PIWIL1: variants seen among roughly 807,000 people sequenced by gnomAD.
PIWIL1 encodes the protein piwi-like protein 1.
A neutral mutation model predicts 114.4 loss-of-function variants in PIWIL1; 73 were observed. The observed-to-expected ratio is 0.64, with a 90% CI of 0.53 to 0.78. PIWIL1 has a LOEUF of 0.78. Ranked by LOEUF, PIWIL1 falls within the 30% of genes least tolerant of loss-of-function variation. The probability of loss-of-function intolerance (pLI) is 0.00; values close to 1 mark genes in which losing one functional copy is unlikely to be tolerated. For missense variants in PIWIL1, 723 were observed against 1,063.1 expected (o/e 0.68, Z 4.45); for synonymous variants, 375 against 369.0 (o/e 1.02, Z -0.19).
intron 7 of PIWIL1, among the ~76,000 whole-genome samples, chr12:130,348,571 C>A: frequency 6.6e-6 from 1 of 152,252 alleles, no homozygotes; most frequent in Non-Finnish European, 1.5e-5. Flanking sequence ...GCCCATGTCA[C>A]AAACCTGCAC....
intron 1 of PIWIL1, among the ~76,000 whole-genome samples, chr12:130,339,131 T>C (rs1394085747): frequency 1.3e-5 from 2 of 151,928 alleles, no homozygotes; most frequent in East Asian, 3.9e-4. Context: ...GAGCCGGACG[T>C]TGGGAAGAGG....
chr12:130,418,957 G>A, the PIWIL1 span, among the ~76,000 whole-genome samples: 13 of 152,220 alleles, frequency 8.5e-5, no homozygotes, highest in African/African-American at 3.1e-4. Flanking sequence ...ACAATGTCAC[G>A]TTGTTTTGGG....
chr12:130,418,525 A>G, the PIWIL1 span, among the ~76,000 whole-genome samples: 1 of 152,164 alleles, frequency 6.6e-6, no homozygotes, highest in Non-Finnish European at 1.5e-5. Flanking sequence ...TGACCATGTC[A>G]GTGTGATCTA....
chr12:130,378,577 C>CTT, the PIWIL1 span, among the ~76,000 whole-genome samples: 8,088 of 151,922 alleles, frequency 0.053, 674 homozygotes, highest in African/African-American at 0.18. Context: ...GCCCTTTTCC[C>CTT]TTTTTCTTTA....
intron 3 of PIWIL1, chr12:130,345,412 C>T (rs11612127): frequency 0.011 from 1,960 of 180,450 alleles, 18 homozygotes; most frequent in Non-Finnish European, 0.017. Context: ...ATCAGACTTA[C>T]AATACAGAAA....
At position 130,342,600 on chromosome 12, in the gene PIWIL1, G is replaced by T. The variant is rs2072952457; in HGVS notation, c.9G>T (p.Gly3=). 1 of 1,613,152 alleles carries T rather than the reference G, an allele frequency of 6.2e-7. No individual in the cohort carries two copies. Among genetic ancestry groups the T allele is most frequent in the Non-Finnish European group, 8.5e-7 (1 of 1,179,186 alleles). Residue 3 remains glycine (G), a synonymous_variant, in exon 2 of 21, where the codon GGG becomes GGT. Transcript: ENST00000245255. ...TCCAGAAATAGAAAACAATGACTGG[G>T]AGAGCCCGAGCCAGAGCCAGAGGAA... MT[G]RARARARGRA...
chr12:130,353,926 C>CAA lies in PIWIL1; in HGVS notation c.1045-597_1045-596dup, dbSNP rs772465904. Among the ~76,000 whole-genome samples the CAA allele has an allele frequency of 1.5e-4, 15 of 99,056 alleles. No homozygotes were observed. In the East Asian group the frequency reaches 3.6e-3, roughly 24 times the overall value. 65.0% of individuals were successfully genotyped at this position (99,056 alleles called of 152,430 possible). A position where few individuals can be genotyped will look rare whatever the true frequency, so the allele number is the denominator to read the frequency against. ...GGGTGACAGAGCGAGACTCCATCTT[C>CAA]AAAAAAAAAAAAAAAGAATGTCATT... On this transcript the variant is annotated intron_variant, in intron 9 of 20. Coordinates refer to ENST00000245255, the MANE Select transcript of PIWIL1 (RefSeq NM_004764.5).
chr12:130,351,896 G>C (rs1238356823), intron 9 of PIWIL1, among the ~76,000 whole-genome samples: 1 of 152,106 alleles, frequency 6.6e-6, no homozygotes, highest in Non-Finnish European at 1.5e-5. Flanking sequence ...CTTCCCCCCA[G>C]AAGTGATGTG....
chr12:130,344,717 T>C (rs1325791909), intron 3 of PIWIL1, among the ~76,000 whole-genome samples: 1 of 152,178 alleles, frequency 6.6e-6, no homozygotes, highest in Non-Finnish European at 1.5e-5. Context: ...ACTTCTGTAT[T>C]TGAGCCCTCC....
In PIWIL1 at chr12:130,354,523, C is replaced by A; in HGVS notation, c.1045-14C>A. The A allele has an allele frequency of 6.2e-7, 1 of 1,614,064 alleles. No individual in the cohort carries two copies. Among genetic ancestry groups the A allele is most frequent in the Non-Finnish European group, 8.5e-7 (1 of 1,179,976 alleles). ...CATTTGCCGTGAACAGCGACCCTTT[C>A]GTCTCTTGAGCAGCAATACAACCAA... On this transcript the variant is annotated splice_polypyrimidine_tract_variant and intron_variant, in intron 9 of 20. Transcript: ENST00000245255.
chr12:130,418,139 A>C, the PIWIL1 span, among the ~76,000 whole-genome samples: 1 of 152,328 alleles, frequency 6.6e-6, no homozygotes, highest in African/African-American at 2.4e-5. Flanking sequence ...AGTCTAACAA[A>C]AGCACTTTGG....
At chr12:130,406,027 A>G in the PIWIL1 span, 1 of 621,594 alleles carries the variant, frequency 1.6e-6, no homozygotes, top group Middle Eastern at 2.6e-4. Flanking sequence ...AAGTTCTATA[A>G]CTCAGCCAAT....
chr12:130,399,230 G>A, the PIWIL1 span: 180 of 894,586 alleles, frequency 2.0e-4, no homozygotes, highest in Admixed American at 1.2e-3. Context: ...AAAACTTGCA[G>A]TGATGAAATA....
intron 1 of PIWIL1, among the ~76,000 whole-genome samples, chr12:130,340,977 T>C (rs2072903999): frequency 6.6e-6 from 1 of 151,898 alleles, no homozygotes; most frequent in African/African-American, 2.4e-5. Context: ...AAGTCGGAGG[T>C]TTTTAAAATT....
Position 130,353,257 on chromosome 12 carries a change from T to C in PIWIL1, c.1045-1280T>C, listed in dbSNP as rs1204178124. 8.3e-5 allele frequency among the ~76,000 whole-genome samples: 12 copies of C among 144,104 alleles called. No homozygotes were observed. The East Asian group carries it at 2.3e-3, about 28-fold the overall frequency. The allele number at this position is 144,104 out of a possible 152,430, so 94.5% of individuals were successfully genotyped here. Reference sequence around the variant, plus strand: ...TGTGTGGTTTTTTGTTCTCCTGGTATGCTCAGTGGAGGTGTGTGTGTGGTT... The same window carrying C: ...TGTGTGGTTTTTTGTTCTCCTGGTACGCTCAGTGGAGGTGTGTGTGTGGTT... On this transcript the variant is annotated intron_variant, in intron 9 of 20. Coordinates refer to ENST00000245255, the MANE Select transcript of PIWIL1 (RefSeq NM_004764.5).
intron 1 of PIWIL1, among the ~76,000 whole-genome samples, chr12:130,341,743 A>C (rs1026929975): frequency 1.3e-5 from 2 of 152,186 alleles, no homozygotes; most frequent in African/African-American, 4.8e-5. Context: ...AGTTGGGTTC[A>C]GGCAGTTGAG....
chr12:130,424,677 C>T, the PIWIL1 span: 4 of 1,231,920 alleles, frequency 3.2e-6, no homozygotes, highest in Middle Eastern at 3.1e-4. The surrounding 1 kb of genome is among the most constrained non-coding windows in gnomAD (Gnocchi z 9.8). Context: ...CCTGGGCTCT[C>T]TGGCCAGCCC....
At chr12:130,406,089 G>A in the PIWIL1 span, 3 of 871,670 alleles carry the variant, frequency 3.4e-6, no homozygotes. Flanking sequence ...TTTAAGAGAA[G>A]GAACGGACTA....
At chr12:130,362,585 T>C (rs1234288827) in intron 16 of PIWIL1, among the ~76,000 whole-genome samples, 181 bp from the exon 17 acceptor site, 1 of 152,248 alleles carries the variant, frequency 6.6e-6, no homozygotes, top group Non-Finnish European at 1.5e-5. Context: ...ATACGGGATC[T>C]CTTGTATCCT....
Sources: gnomAD v4.1 joint callset for allele counts (sites outside exome capture counted in the v4.1 genomes callset) on GRCh38, gnomAD v4.1.1 for gene constraint, Gnocchi (gnomAD v3.1) non-coding constraint, MANE v1.5 for transcripts, NCBI Gene and HGNC (gene_info 2026-07-23, HGNC 2026-07-21) for gene names.